Variants in MAK observed in about 807,000 individuals in gnomAD.
MAK encodes serine/threonine-protein kinase MAK.
MAK carries 65 observed loss-of-function variants against 82.6 expected under a neutral mutation model. The observed-to-expected ratio is 0.79, with a 90% confidence interval of 0.64 to 0.97. MAK has a LOEUF of 0.97. MAK is among the 50% of genes least tolerant of loss of function. The pLI, the probability that MAK is intolerant of heterozygous loss-of-function variation, is 0.00. For missense variants in MAK, 703 were observed against 780.2 expected, an observed-to-expected ratio of 0.90 and a Z score of 1.18; for synonymous variants, 250 against 274.2, an observed-to-expected ratio of 0.91 and a Z score of 0.87.
At position 10,805,512 on chromosome 6, in the gene MAK, G is replaced by A. The variant is rs551592930; in HGVS notation, c.492-1621C>T. ...TGAGGCAGGAGAATCACTTGAATCC[G>A]GGAGGCAGAGGTTGCAGTGAGCCGA... On this transcript the variant is annotated intron_variant, in intron 6 of 14. Transcript: ENST00000354489. 5.3e-5 allele frequency among the ~76,000 whole-genome samples: 8 copies of A among 151,756 alleles called. No homozygotes were observed. In the South Asian group the frequency reaches 6.3e-4, roughly 12 times the overall value.
At chr6:10,821,490 G>A (rs1777934326) in intron 2 of MAK, among the ~76,000 whole-genome samples, 1 of 141,558 alleles carries the variant, frequency 7.1e-6, no homozygotes, top group African/African-American at 2.6e-5. Context: ...TGGCCAGGCT[G>A]GTCTCGAATT....
rs578035055 is a variant in MAK at position 10,834,904 on chromosome 6, C to A, written c.-230+3599G>T. On this transcript the variant is annotated intron_variant, in intron 1 of 14. Coordinates refer to ENST00000354489, the MANE Select transcript of MAK (RefSeq NM_001242957.3). ...CAGACACAGGTATCCAGTGAAAGAG[C>A]GGGCTAGGGGACCGGGCAGCACACA... 3.9e-5 allele frequency among the ~76,000 whole-genome samples: 6 copies of A among 152,242 alleles called. No individual in the cohort carries two copies. The East Asian group carries it at 9.7e-4, about 24-fold the overall frequency.
At chr6:10,801,722 A>G (rs1326607743) in intron 8 of MAK, among the ~76,000 whole-genome samples, 170 bp downstream of exon 8, 1 of 152,212 alleles carries the variant, frequency 6.6e-6, no homozygotes, top group African/African-American at 2.4e-5. Flanking sequence ...TCCCAATGAT[A>G]TTATATGCCT....
intron 11 of MAK, among the ~76,000 whole-genome samples, chr6:10,777,408 CAAAA>C (rs57082378): frequency 7.3e-6 from 1 of 137,770 alleles, no homozygotes; most frequent in Non-Finnish European, 1.6e-5. Context: ...AAGACTGTCA[CAAAA>C]AAAAAAAAAA....
At chr6:10,818,066 T>TA in intron 3 of MAK, 95 bp from the exon 4 acceptor site, 1 of 649,234 alleles carries the variant, frequency 1.5e-6, no homozygotes, top group South Asian at 1.8e-5. Flanking sequence ...TTACCTTATG[T>TA]AATTTTCCAT....
rs140171910 is a variant in MAK at position 10,806,080 on chromosome 6, T to C, written c.492-2189A>G. ...TTTCAGGCAAGATGAAATTAGTTCC[T>C]GAGAGAGTGGGTTGCTCCACGGCAA... On this transcript the variant is annotated intron_variant, in intron 6 of 14. Coordinates refer to ENST00000354489, the MANE Select transcript of MAK (RefSeq NM_001242957.3). 1.2e-3 allele frequency among the ~76,000 whole-genome samples: 186 copies of C among 152,302 alleles called. 1 individual carries two copies. The highest frequency in any genetic ancestry group is 2.5e-3 in the Non-Finnish European group (168 of 68,010).
In MAK at chr6:10,764,730, ACTCT is replaced by A. The variant is rs1056548955; in HGVS notation, c.1793-128_1793-125del. Reference sequence around the variant, plus strand: ...TTTATGTTTAAAAGATTAACTCAGTACTCTCTGAGGCTTTTTAAATGTTAAAACC... The same window carrying A: ...TTTATGTTTAAAAGATTAACTCAGTACTGAGGCTTTTTAAATGTTAAAACC... On this transcript the variant is annotated intron_variant, in intron 14 of 14. Coordinates refer to ENST00000354489, the MANE Select transcript of MAK (RefSeq NM_001242957.3). 3.1e-6 allele frequency: 3 copies of A among 976,552 alleles called. No individual in the cohort carries two copies. The African/African-American group carries it at 4.8e-5, about 16-fold the overall frequency. 60.5% of individuals were successfully genotyped at this position (976,552 alleles called of 1,614,324 possible).
At chr6:10,778,286 A>C (rs1773634632) in intron 11 of MAK, among the ~76,000 whole-genome samples, 1 of 152,218 alleles carries the variant, frequency 6.6e-6, no homozygotes, top group Admixed American at 6.5e-5. Flanking sequence ...TAACTAAGTA[A>C]ATACATAATG....
intron 13 of MAK, among the ~76,000 whole-genome samples, chr6:10,771,545 C>T (rs1428136144): frequency 6.6e-6 from 1 of 152,212 alleles, no homozygotes; most frequent in African/African-American, 2.4e-5. Flanking sequence ...AAATGGGGCT[C>T]TGATCACCCT....
intron 1 of MAK, among the ~76,000 whole-genome samples, chr6:10,831,938 G>A (rs910420033): frequency 6.6e-6 from 1 of 152,126 alleles, no homozygotes; most frequent in Non-Finnish European, 1.5e-5. Flanking sequence ...AGACAAAAAA[G>A]AATTTTTTTC....
intron 1 of MAK, among the ~76,000 whole-genome samples, chr6:10,832,529 G>A (rs1053809765): frequency 1.3e-5 from 2 of 152,158 alleles, no homozygotes; most frequent in Non-Finnish European, 2.9e-5. Flanking sequence ...CAACACAGAG[G>A]CAAAGCCCTC....
intron 2 of MAK, among the ~76,000 whole-genome samples, chr6:10,823,546 T>C (rs114637200): frequency 6.3e-4 from 96 of 152,318 alleles, no homozygotes; most frequent in Non-Finnish European, 1.2e-3. Context: ...TTTATTTATT[T>C]AGAGACAGAG....
At chr6:10,782,486 G>C (rs1305043921) in intron 11 of MAK, among the ~76,000 whole-genome samples, 1 of 150,242 alleles carries the variant, frequency 6.7e-6, no homozygotes, top group Admixed American at 6.6e-5. Context: ...CGTGCCTTCT[G>C]TTTTCTCTCC....
chr6:10,818,002 C>A lies in MAK; in HGVS notation c.157-31G>T, dbSNP rs374360411. 96 of 1,365,646 alleles carry A rather than the reference C, an allele frequency of 7.0e-5. No individual in the cohort carries two copies. In the African/African-American group the frequency reaches 1.3e-3, roughly 19 times the overall value. The allele number at this position is 1,365,646 out of a possible 1,614,324, so 84.6% of individuals were successfully genotyped here. A position where few individuals can be genotyped will look rare whatever the true frequency, so the allele number is the denominator to read the frequency against. On this transcript the variant is annotated intron_variant, in intron 3 of 14. Transcript: ENST00000354489. ...AAATAACAAATATGCCTTAAAATTT[C>A]TTAAAAAAAACTTACAGAATTTGGC...
chr6:10,794,431 T>G (rs1392832129), intron 9 of MAK, among the ~76,000 whole-genome samples: 1 of 152,004 alleles, frequency 6.6e-6, no homozygotes, highest in African/African-American at 2.4e-5. Flanking sequence ...ACAATAAACA[T>G]AAGAAGTAAT....
At chr6:10,805,070 C>CGGGGGGGG (rs60993333) in intron 6 of MAK, among the ~76,000 whole-genome samples, 3 of 100,278 alleles carry the variant, frequency 3.0e-5, no homozygotes, top group African/African-American at 1.3e-4. Context: ...ATGTGTGTGT[C>CGGGGGGGG]GGGGGGGGGG....
chr6:10,830,628 C>A lies in MAK; in HGVS notation c.21G>T (p.Met7Ile). Residue 7 changes from methionine (M) to isoleucine (I), a missense_variant, in exon 2 of 15, where the codon ATG (methionine) becomes ATT (isoleucine). Coordinates refer to ENST00000354489, the MANE Select transcript of MAK (RefSeq NM_001242957.3). Reference sequence around the variant, plus strand: ...CATACGTGCCGTCCCCCAACTGTCTCATGGTTGTGTATCGGTTCATCTTGG... The same window carrying A: ...CATACGTGCCGTCCCCCAACTGTCTAATGGTTGTGTATCGGTTCATCTTGG... MNRYTTMRQLGDGTYGS... is the reference protein window; with the variant it reads MNRYTTIRQLGDGTYGS... 1 of 1,614,018 alleles carries A rather than the reference C, an allele frequency of 6.2e-7. No individual in the cohort carries two copies. Among genetic ancestry groups the A allele is most frequent in the South Asian group, 1.1e-5 (1 of 91,088 alleles).
chr6:10,822,533 C>T (rs1189184958), intron 2 of MAK, among the ~76,000 whole-genome samples: 1 of 152,206 alleles, frequency 6.6e-6, no homozygotes, highest in Non-Finnish European at 1.5e-5. Flanking sequence ...GCAATTACCA[C>T]TTCTCAGCAG....
At chr6:10,817,811 TG>T in intron 4 of MAK, 38 bp downstream of exon 4, 1 of 1,442,882 alleles carries the variant, frequency 6.9e-7, no homozygotes, top group Non-Finnish European at 9.5e-7. Flanking sequence ...AAAGAACTCA[TG>T]GAGAGAATAA....
Sources: allele counts gnomAD v4.1 joint callset (sites outside exome capture counted in the v4.1 genomes callset), GRCh38; gene constraint gnomAD v4.1.1; transcripts MANE v1.5; gene names NCBI Gene and HGNC (gene_info 2026-07-23, HGNC 2026-07-21).